The following ATG14 variants were observed in gnomAD, a reference collection of about 807,000 sequenced individuals.
The protein encoded by ATG14 is beclin 1-associated autophagy-related key regulator.
A neutral mutation model predicts 60.4 loss-of-function variants in ATG14; 35 were observed. The observed-to-expected ratio is 0.58, with a 90% CI of 0.44 to 0.77. The LOEUF (loss-of-function observed/expected upper bound fraction) is 0.77, where lower values mean the gene tolerates loss of function less well. Among genes scored for constraint, ATG14 ranks in the 30% least tolerant of loss-of-function variants. The probability of loss-of-function intolerance (pLI) is 0.00; values close to 1 mark genes in which losing one functional copy is unlikely to be tolerated. For missense variants in ATG14, 647 were observed against 626.3 expected (o/e 1.03, Z -0.35); for synonymous variants, 234 against 228.8 (o/e 1.02, Z -0.21).
chr14:55,367,343 C>G lies in ATG14; in HGVS notation c.*2276G>C, dbSNP rs1884702439. ...GTTAAGTTTATTTATCTGTTCAAGT[C>G]TACCATCTTCACTCTCTACGAACTC... On this transcript the variant is annotated 3_prime_UTR_variant, in exon 10 of 10. Coordinates refer to ENST00000247178, the MANE Select transcript of ATG14 (RefSeq NM_014924.5). 6.6e-6 allele frequency: 1 copy of G among 152,218 alleles called. No homozygotes were observed. Among genetic ancestry groups the G allele is most frequent in the Non-Finnish European group, 1.5e-5 (1 of 68,036 alleles). 9.4% of individuals were successfully genotyped at this position (152,218 alleles called of 1,614,324 possible).
chr14:55,406,474 A>AAGAT (rs1325801272), intron 1 of ATG14, among the ~76,000 whole-genome samples: 4 of 152,242 alleles, frequency 2.6e-5, no homozygotes, highest in Admixed American at 1.3e-4. Flanking sequence ...AAAAATTATG[A>AAGAT]AGATAGAATA....
chr14:55,373,205 A>AGGG (rs1884856018), intron 9 of ATG14, among the ~76,000 whole-genome samples: 1 of 152,220 alleles, frequency 6.6e-6, no homozygotes, highest in Non-Finnish European at 1.5e-5. Context: ...TTAGCTGAAT[A>AGGG]ATGGATATCT....
intron 5 of ATG14, among the ~76,000 whole-genome samples, chr14:55,385,010 C>T (rs1885099388): frequency 6.6e-6 from 1 of 152,210 alleles, no homozygotes. Context: ...GTTATCCATG[C>T]ACTACCGCCT....
intron 9 of ATG14, among the ~76,000 whole-genome samples, chr14:55,372,617 CCCTT>C (rs773121750): frequency 6.6e-5 from 10 of 151,882 alleles, no homozygotes; most frequent in Non-Finnish European, 1.0e-4. Flanking sequence ...TTCCCTCCCT[CCCTT>C]CCTTTCTTCC....
chr14:55,378,129 T>C (rs1397572969), intron 7 of ATG14, 55 bp from the exon 8 acceptor site: 3 of 1,488,798 alleles, frequency 2.0e-6, no homozygotes, highest in Non-Finnish European at 2.8e-6. Context: ...AATTCTATGT[T>C]AAAATTTCCA....
chr14:55,394,840 C>T lies in ATG14; in HGVS notation c.327+1100G>A, dbSNP rs1000404609. 12 of 310,328 alleles carry T rather than the reference C, an allele frequency of 3.9e-5. 1 individual carries two copies. Among genetic ancestry groups the T allele is most frequent in the South Asian group, 2.0e-4 (7 of 34,300 alleles). The allele number at this position is 310,328 out of a possible 1,614,324, so 19.2% of individuals were successfully genotyped here. ...GATATAAAAACTAACCCCCCAACTA[C>T]GGAATGCTAAGCTGACACCCAAGAC... On this transcript the variant is annotated intron_variant, in intron 3 of 9. Transcript: ENST00000247178.
At chr14:55,382,508 G>C (rs926095511) in intron 5 of ATG14, among the ~76,000 whole-genome samples, 1 of 151,896 alleles carries the variant, frequency 6.6e-6, no homozygotes, top group African/African-American at 2.4e-5. Context: ...TTTTTTTGTA[G>C]AGATGGGGTC....
chr14:55,385,572 C>T (rs184857333), intron 5 of ATG14, among the ~76,000 whole-genome samples: 136 of 152,322 alleles, frequency 8.9e-4, no homozygotes, highest in Admixed American at 7.1e-3. Flanking sequence ...GGATTATAGG[C>T]GTGAGCCACC....
chr14:55,395,445 C>T (rs1370848290), intron 3 of ATG14, among the ~76,000 whole-genome samples: 1 of 152,202 alleles, frequency 6.6e-6, no homozygotes, highest in African/African-American at 2.4e-5. Context: ...CTCTGCCTCC[C>T]GGGTTCAAGT....
At chr14:55,388,429 A>G (rs569694287) in intron 4 of ATG14, among the ~76,000 whole-genome samples, 7 of 152,226 alleles carry the variant, frequency 4.6e-5, no homozygotes, top group African/African-American at 1.7e-4. Context: ...TCTCCCTACC[A>G]TCTCCCCATA....
intron 1 of ATG14, among the ~76,000 whole-genome samples, chr14:55,401,280 G>A (rs1280155771): frequency 6.7e-6 from 1 of 148,534 alleles, no homozygotes; most frequent in Middle Eastern, 3.4e-3. Flanking sequence ...TTTTTCCTTT[G>A]AGGATTATTT....
intron 9 of ATG14, among the ~76,000 whole-genome samples, chr14:55,373,773 T>C (rs1292909132): frequency 6.6e-6 from 1 of 151,876 alleles, no homozygotes. Context: ...TTTTATTTTT[T>C]TGTAATTTTT....
At chr14:55,394,980 TCTC>T in intron 3 of ATG14, 1 of 435,252 alleles carries the variant, frequency 2.3e-6, no homozygotes, top group Non-Finnish European at 4.6e-6. Context: ...TCAAAGGGGC[TCTC>T]CTCAGTTTTA....
chr14:55,378,306 A>C (rs1270145917), intron 7 of ATG14, among the ~76,000 whole-genome samples: 2 of 152,228 alleles, frequency 1.3e-5, no homozygotes, highest in African/African-American at 4.8e-5. Flanking sequence ...CCACGTCAGG[A>C]CATTTATTCT....
At chr14:55,372,342 C>T (rs145263287) in intron 9 of ATG14, among the ~76,000 whole-genome samples, 122 of 152,260 alleles carry the variant, frequency 8.0e-4, no homozygotes, top group African/African-American at 2.8e-3. Flanking sequence ...CCTCCTGGCA[C>T]GCACCCACTA....
intron 9 of ATG14, 41 bp from the exon 10 acceptor site, chr14:55,369,966 T>C (rs746346852): frequency 6.5e-7 from 1 of 1,526,786 alleles, no homozygotes; most frequent in Admixed American, 2.0e-5. Context: ...ATAACAACCA[T>C]TCTCAACACC....
At chr14:55,404,195 A>C (rs938388131) in intron 1 of ATG14, among the ~76,000 whole-genome samples, 5 of 152,216 alleles carry the variant, frequency 3.3e-5, no homozygotes, top group Admixed American at 1.3e-4. Context: ...CTACAAATTC[A>C]TCTGAAAAAT....
chr14:55,380,869 ATATATATTT>A (rs1463396000), intron 6 of ATG14, among the ~76,000 whole-genome samples, 179 bp from the exon 7 acceptor site: 1 of 92,908 alleles, frequency 1.1e-5, no homozygotes, highest in Non-Finnish European at 2.0e-5. Context: ...ATATATATAT[ATATATATTT>A]TTTTTTTTTT....
At position 55,411,796 on chromosome 14, in the gene ATG14, G is replaced by A; in HGVS notation, c.27C>T (p.Ala9=). The change falls in exon 1 of 10, where the codon GCC becomes GCT. Residue 9 remains alanine, a synonymous_variant. Coordinates refer to ENST00000247178, the MANE Select transcript of ATG14 (RefSeq NM_014924.5). ...CGCAGCCAGGAGCCTCCAGCGCCCG[G>A]GCTCCCTTCCCACTGGGAGACGCCA... MASPSGKG[A]RALEAPGCGP... 1 of 1,599,626 alleles carries A rather than the reference G, an allele frequency of 6.3e-7. No individual in the cohort carries two copies. Among genetic ancestry groups the A allele is most frequent in the South Asian group, 1.1e-5 (1 of 89,190 alleles).
Sources: gnomAD v4.1 joint callset for allele counts (sites outside exome capture counted in the v4.1 genomes callset) on GRCh38, gnomAD v4.1.1 for gene constraint, MANE v1.5 for transcripts, NCBI Gene and HGNC (gene_info 2026-07-23, HGNC 2026-07-21) for gene names.